Variants in PEX13 observed in about 807,000 individuals in gnomAD.
PEX13 encodes the protein peroxisome biogenesis factor 13.
PEX13 carries 28 observed loss-of-function variants against 34.5 expected under a neutral mutation model. The ratio of observed to expected loss-of-function variants is 0.81; its 90% CI spans 0.60 to 1.11. The LOEUF (loss-of-function observed/expected upper bound fraction) is 1.11, where lower values mean the gene tolerates loss of function less well. Ranked by LOEUF, PEX13 falls within the 50% of genes most tolerant of loss-of-function variation. PEX13 has a pLI of 0.00. For synonymous variants in PEX13, 177 were observed against 175.1 expected (o/e 1.01, Z -0.09); for missense variants, 550 against 491.0 (o/e 1.12, Z -1.13).
At chr2:61,033,876 AT>A (rs1229922494) in intron 2 of PEX13, among the ~76,000 whole-genome samples, 3 of 152,224 alleles carry the variant, frequency 2.0e-5, no homozygotes, top group African/African-American at 7.2e-5. Context: ...AGTAGATGGT[AT>A]AAGTTGTAGA....
intron 1 of PEX13, 118 bp from the exon 2 acceptor site, chr2:61,031,301 T>C: frequency 1.3e-6 from 1 of 781,908 alleles, no homozygotes; most frequent in East Asian, 2.7e-5. Context: ...CTAAATCAAT[T>C]AATCAGTCTT....
At position 61,045,794 on chromosome 2, in the gene PEX13, G is replaced by A. The variant is rs201699810; in HGVS notation, c.856G>A (p.Val286Ile). The A allele has an allele frequency of 1.5e-4, 238 of 1,612,702 alleles. 1 individual carries two copies. The highest frequency in any genetic ancestry group is 3.3e-4 in the Middle Eastern group (2 of 6,060). ...VARAEYDFAA[V>I]SEEEISFRAG... ...CAGAGCAGAATATGATTTTGCTGCCGTATCTGAAGAAGAAATTTCTTTCCG... is the reference window on the plus strand; with the variant it reads ...CAGAGCAGAATATGATTTTGCTGCCATATCTGAAGAAGAAATTTCTTTCCG... Residue 286 changes from valine to isoleucine, a missense_variant, in exon 3 of 4, where the codon GTA becomes ATA. Transcript: ENST00000295030.
chr2:61,044,042 T>C (rs910854742), intron 2 of PEX13, among the ~76,000 whole-genome samples: 4 of 151,694 alleles, frequency 2.6e-5, no homozygotes, highest in African/African-American at 9.7e-5. Flanking sequence ...CTCACACTCT[T>C]GGGCTCACAT....
At position 61,048,603 on chromosome 2, in the gene PEX13, T is replaced by G. The variant is rs747286284; in HGVS notation, c.1045T>G (p.Ser349Ala). Residue 349 changes from serine (S) to alanine (A), a missense_variant, in exon 4 of 4, where the codon TCC becomes GCC. By Grantham distance (99) the Ser-to-Ala change is moderately conservative. Coordinates refer to ENST00000295030, the MANE Select transcript of PEX13 (RefSeq NM_002618.4). Reference protein sequence around the residue: ...GRKTVESSKVSKQQQSFTNPT... With the variant: ...GRKTVESSKVAKQQQSFTNPT... ...GAAAACGGTGGAATCAAGTAAAGTT[T>G]CCAAGCAGCAACAATCTTTTACCAA... 3 of 1,614,036 alleles carry G rather than the reference T, an allele frequency of 1.9e-6. No individual in the cohort carries two copies. The highest frequency in any genetic ancestry group is 2.2e-5 in the South Asian group (2 of 91,076).
intron 1 of PEX13, chr2:61,018,361 C>T: frequency 6.7e-7 from 1 of 1,489,642 alleles, no homozygotes. Flanking sequence ...CATAACTCAG[C>T]CAGTGTTTCG....
At chr2:61,044,521 G>T (rs1478776231) in intron 2 of PEX13, among the ~76,000 whole-genome samples, 2 of 152,072 alleles carry the variant, frequency 1.3e-5, no homozygotes, top group African/African-American at 4.8e-5. Context: ...CAAAGTACTG[G>T]GATTATAGGC....
chr2:61,042,120 A>G (rs1680635198), intron 2 of PEX13, among the ~76,000 whole-genome samples: 1 of 152,244 alleles, frequency 6.6e-6, no homozygotes. Context: ...AATTAAAAGA[A>G]TGTTTTAAAA....
chr2:61,047,561 A>T (rs1680723791), intron 3 of PEX13, among the ~76,000 whole-genome samples: 1 of 152,210 alleles, frequency 6.6e-6, no homozygotes. Flanking sequence ...AGATAATTTT[A>T]ATTAGAGGTC....
chr2:61,028,203 C>G (rs767738693), intron 1 of PEX13, among the ~76,000 whole-genome samples: 1 of 152,114 alleles, frequency 6.6e-6, no homozygotes, highest in Non-Finnish European at 1.5e-5. Flanking sequence ...TTCACAAATG[C>G]GCCTCCTAAA....
chr2:61,035,839 C>T (rs991263102), intron 2 of PEX13, among the ~76,000 whole-genome samples: 6 of 151,956 alleles, frequency 3.9e-5, no homozygotes, highest in East Asian at 1.9e-4. Flanking sequence ...CAAAATTAGC[C>T]GGGCGTGTTG....
At chr2:61,017,948 C>T (rs1680123900) in intron 1 of PEX13, 97 bp downstream of exon 1, 20 of 1,371,320 alleles carry the variant, frequency 1.5e-5, no homozygotes, top group Non-Finnish European at 1.8e-5. Context: ...TATTCCCTTC[C>T]CCCCTTTAAC....
intron 2 of PEX13, among the ~76,000 whole-genome samples, chr2:61,039,896 G>GA (rs1004117759): frequency 2.6e-5 from 4 of 151,348 alleles, no homozygotes; most frequent in South Asian, 4.2e-4. Context: ...AAATTTACAA[G>GA]AAAAAAAACA....
intron 1 of PEX13, among the ~76,000 whole-genome samples, chr2:61,023,840 G>A (rs766762397): frequency 6.6e-6 from 1 of 150,696 alleles, no homozygotes; most frequent in Non-Finnish European, 1.5e-5. Flanking sequence ...TCTGTCACCA[G>A]GCTGGAGTGT....
chr2:61,034,078 C>G (rs1026860570), intron 2 of PEX13, among the ~76,000 whole-genome samples: 2 of 152,044 alleles, frequency 1.3e-5, no homozygotes, highest in Admixed American at 1.3e-4. Context: ...CTTACTGCAA[C>G]CTCCACCTCC....
chr2:61,020,851 C>T (rs1680245029), intron 1 of PEX13, among the ~76,000 whole-genome samples: 1 of 152,064 alleles, frequency 6.6e-6, no homozygotes, highest in African/African-American at 2.4e-5. Flanking sequence ...GATGGGGTTT[C>T]ACTATGTTGG....
intron 2 of PEX13, among the ~76,000 whole-genome samples, chr2:61,042,619 G>C (rs1680642872): frequency 6.6e-6 from 1 of 151,986 alleles, no homozygotes; most frequent in Non-Finnish European, 1.5e-5. Flanking sequence ...AAAAAAATTA[G>C]AAAATTTAAA....
intron 2 of PEX13, among the ~76,000 whole-genome samples, chr2:61,039,313 C>T (rs576854805): frequency 2.6e-5 from 4 of 152,272 alleles, no homozygotes; most frequent in African/African-American, 9.6e-5. Flanking sequence ...AAGAACAAAG[C>T]TGGAGGCATC....
chr2:61,026,505 G>A (rs1208000559), intron 1 of PEX13, among the ~76,000 whole-genome samples: 1 of 151,548 alleles, frequency 6.6e-6, no homozygotes, highest in African/African-American at 2.4e-5. Flanking sequence ...CCACCACCAC[G>A]CGTGGCTAAT....
intron 3 of PEX13, among the ~76,000 whole-genome samples, chr2:61,048,263 T>C (rs1016359960): frequency 1.3e-5 from 2 of 152,190 alleles, no homozygotes; most frequent in Non-Finnish European, 2.9e-5. Flanking sequence ...TGGAAGGAAA[T>C]ATTTAGTAAG....
Sources: allele counts gnomAD v4.1 joint callset (sites outside exome capture counted in the v4.1 genomes callset), GRCh38; gene constraint gnomAD v4.1.1; transcripts MANE v1.5; gene names NCBI Gene and HGNC (gene_info 2026-07-23, HGNC 2026-07-21).